The following LEPR variants were observed in gnomAD, a reference collection of about 807,000 sequenced individuals.
LEPR encodes OB receptor.
Under a neutral mutation model 114.7 loss-of-function variants are expected in LEPR, and 56 were observed. That is an observed-to-expected ratio of 0.49 (90% CI 0.39 to 0.61). The LOEUF (loss-of-function observed/expected upper bound fraction) is 0.61, where lower values mean the gene tolerates loss of function less well. Among genes scored for constraint, LEPR ranks in the 20% least tolerant of loss-of-function variants. The pLI, the probability that LEPR is intolerant of heterozygous loss-of-function variation, is 0.00. For missense variants in LEPR, 1,202 were observed against 1,352.9 expected, an observed-to-expected ratio of 0.89 and a Z score of 1.75; for synonymous variants, 443 against 461.4, an observed-to-expected ratio of 0.96 and a Z score of 0.51.
chr1:65,500,100 C>T (rs1490957747), intron 2 of LEPR, among the ~76,000 whole-genome samples: 1 of 152,094 alleles, frequency 6.6e-6, no homozygotes, highest in Middle Eastern at 3.2e-3. Context: ...CCATTGCTCT[C>T]CCTTTCCTGG....
chr1:65,571,199 T>C (rs1459779770), intron 4 of LEPR, among the ~76,000 whole-genome samples: 4 of 152,158 alleles, frequency 2.6e-5, no homozygotes, highest in African/African-American at 9.7e-5. Flanking sequence ...GTTTTAAAGA[T>C]GGGTTTTTCA....
intron 2 of LEPR, among the ~76,000 whole-genome samples, chr1:65,546,076 A>T (rs1291995365): frequency 5.3e-5 from 8 of 151,926 alleles, no homozygotes; most frequent in African/African-American, 1.9e-4. Flanking sequence ...TCCTTTCCCC[A>T]TTGCTTGTTT....
intron 2 of LEPR, among the ~76,000 whole-genome samples, chr1:65,439,118 G>A (rs1399078099): frequency 6.6e-6 from 1 of 152,186 alleles, no homozygotes; most frequent in Non-Finnish European, 1.5e-5. Flanking sequence ...TAGGACATGA[G>A]TTCCCATTGC....
At chr1:65,478,246 T>A (rs770968384) in intron 2 of LEPR, among the ~76,000 whole-genome samples, 2 of 152,216 alleles carry the variant, frequency 1.3e-5, no homozygotes, top group Admixed American at 6.5e-5. Flanking sequence ...TGCCAATTAT[T>A]GGCTCTCCAA....
chr1:65,483,003 A>T (rs1647295984), intron 2 of LEPR, among the ~76,000 whole-genome samples: 1 of 151,760 alleles, frequency 6.6e-6, no homozygotes, highest in South Asian at 2.1e-4. Context: ...AAAAAAAAAA[A>T]AGTAAATGTG....
At position 65,618,035 on chromosome 1, in the gene LEPR, C is replaced by A; in HGVS notation, c.2284C>A (p.Pro762Thr). 1 of 1,612,902 alleles carries A rather than the reference C, an allele frequency of 6.2e-7. No homozygotes were observed. The highest frequency in any genetic ancestry group is 8.5e-7 in the Non-Finnish European group (1 of 1,179,504). The change falls in exon 16 of 20, where the codon CCC (proline) becomes ACC (threonine). Residue 762 changes from proline (P) to threonine (T), a missense_variant. Transcript: ENST00000349533. ...TGTGATTGTTTCCTGGATACTATCACCCAGTGATTACAAGCTAATGTATTT... is the reference window on the plus strand; with the variant it reads ...TGTGATTGTTTCCTGGATACTATCAACCAGTGATTACAAGCTAATGTATTT... ...SCVIVSWILS[P>T]SDYKLMYFII...
chr1:65,550,257 G>T (rs1171240081), intron 2 of LEPR, among the ~76,000 whole-genome samples: 3 of 152,196 alleles, frequency 2.0e-5, no homozygotes, highest in East Asian at 1.9e-4. Flanking sequence ...CTGCTCGGGG[G>T]TCAGGGGTCA....
chr1:65,523,477 A>T (rs993982666), intron 2 of LEPR, among the ~76,000 whole-genome samples: 1 of 151,760 alleles, frequency 6.6e-6, no homozygotes, highest in Admixed American at 6.6e-5. Context: ...CACCCAGCTA[A>T]TTTTTGTATT....
At chr1:65,433,054 C>G in intron 2 of LEPR, 1 of 985,406 alleles carries the variant, frequency 1.0e-6, no homozygotes, top group Non-Finnish European at 1.2e-6. Context: ...GAGATGCGGG[C>G]AGGGAGGCTG....
intron 2 of LEPR, among the ~76,000 whole-genome samples, chr1:65,514,734 G>C (rs1185518729): frequency 6.6e-6 from 1 of 152,140 alleles, no homozygotes; most frequent in South Asian, 2.1e-4. Context: ...TCATTGTGAA[G>C]TATCTATTCT....
chr1:65,434,813 A>G (rs1186887857), intron 2 of LEPR: 2 of 985,404 alleles, frequency 2.0e-6, no homozygotes, highest in African/African-American at 1.7e-5. Flanking sequence ...GAGGTTCTTC[A>G]TATTCCAGAG....
At chr1:65,488,216 C>CTT (rs1557620258) in intron 2 of LEPR, among the ~76,000 whole-genome samples, 3 of 39,990 alleles carry the variant, frequency 7.5e-5, no homozygotes, top group African/African-American at 1.2e-4. Context: ...TTCTTTCTCT[C>CTT]TCTCTCTCTC....
intron 2 of LEPR, among the ~76,000 whole-genome samples, chr1:65,517,569 G>A (rs974190863): frequency 3.3e-5 from 5 of 152,108 alleles, no homozygotes; most frequent in South Asian, 2.1e-4. Context: ...ACTCTATTGC[G>A]GATACTCAGT....
rs147080567 is a variant in LEPR, at chr1:65,605,115, G to A, written c.1481G>A (p.Gly494Asp). The change falls in exon 11 of 20, where the codon GGT becomes GAT. Residue 494 changes from glycine to aspartate, a missense_variant. Coordinates refer to ENST00000349533, the MANE Select transcript of LEPR (RefSeq NM_002303.6). Reference protein sequence around the residue: ...EPKDCYLQSDGFYECIFQPIF... With the variant: ...EPKDCYLQSDDFYECIFQPIF... ...AAAGATTGCTATTTGCAGAGTGATG[G>A]TTTTTATGAATGCATTTTCCAGCCA... The A allele has an allele frequency of 8.1e-6, 13 of 1,614,028 alleles. No individual in the cohort carries two copies. The African/African-American group carries it at 1.5e-4, about 18-fold the overall frequency.
chr1:65,557,134 G>C lies in LEPR; in HGVS notation c.-20-8412G>C, dbSNP rs191140255. 4.4e-3 allele frequency among the ~76,000 whole-genome samples: 676 copies of C among 152,160 alleles called. 1 individual carries two copies. The highest frequency in any genetic ancestry group is 6.1e-3 in the Non-Finnish European group (416 of 67,976). ...TTGCTTTGAAACTCTGGTATTATTA[G>C]GATGTTCATGAGGATGTTAGCTGTT... On this transcript the variant is annotated intron_variant, in intron 2 of 19. Transcript: ENST00000349533.
At chr1:65,449,260 CT>C (rs201429452) in intron 2 of LEPR, among the ~76,000 whole-genome samples, 8,034 of 118,534 alleles carry the variant, frequency 0.068, 691 homozygotes, top group African/African-American at 0.23. Flanking sequence ...TTTTATTTAT[CT>C]TTTTTTTTTT....
chr1:65,565,454 T>C, intron 2 of LEPR, 92 bp from the exon 3 acceptor site: 1 of 1,235,886 alleles, frequency 8.1e-7, no homozygotes, highest in Non-Finnish European at 1.2e-6. Flanking sequence ...GACTTATCTA[T>C]AATCCCTTTC....
intron 19 of LEPR, chr1:65,626,218 C>T (rs1320488730): frequency 5.7e-6 from 9 of 1,583,264 alleles, no homozygotes; most frequent in Non-Finnish European, 7.7e-6. Flanking sequence ...CCTGCTCTCC[C>T]TGAGGTGTGC....
At chr1:65,525,949 G>A (rs1190870441) in intron 2 of LEPR, 1 of 824,212 alleles carries the variant, frequency 1.2e-6, no homozygotes, top group Non-Finnish European at 1.5e-6. Context: ...TGGGAGTCCG[G>A]GGCAGCTTAG....
Sources: allele counts gnomAD v4.1 joint callset (sites outside exome capture counted in the v4.1 genomes callset), GRCh38; gene constraint gnomAD v4.1.1; transcripts MANE v1.5; gene names NCBI Gene and HGNC (gene_info 2026-07-23, HGNC 2026-07-21).